Variants in ANKRD36C observed in about 807,000 individuals in gnomAD.
ANKRD36C encodes ankyrin repeat domain-containing protein 36C.
ANKRD36C carries 61 observed loss-of-function variants against 276.4 expected under a neutral mutation model. That is an observed-to-expected ratio of 0.22 (90% CI 0.18 to 0.27). ANKRD36C has a LOEUF of 0.27. Among genes scored for constraint, ANKRD36C ranks in the 10% least tolerant of loss-of-function variants. The pLI is 1.00. For missense variants in ANKRD36C, 1,447 were observed against 2,032.3 expected (o/e 0.71, Z 5.54); for synonymous variants, 483 against 680.1 (o/e 0.71, Z 4.51).
intron 40 of ANKRD36C, among the ~76,000 whole-genome samples, chr2:95,913,475 T>C (rs1434169522): frequency 6.6e-6 from 1 of 151,424 alleles, no homozygotes; most frequent in Non-Finnish European, 1.5e-5. Flanking sequence ...TGAGTCACTG[T>C]GGTGTATTCC....
intron 44 of ANKRD36C, among the ~76,000 whole-genome samples, chr2:95,892,127 C>T (rs953031620): frequency 1.1e-4 from 16 of 151,604 alleles, no homozygotes; most frequent in Admixed American, 3.3e-4. Flanking sequence ...TCAATATCAA[C>T]GTGGATATGT....
intron 59 of ANKRD36C, among the ~76,000 whole-genome samples, chr2:95,869,934 C>G (rs1474538914): frequency 6.6e-6 from 1 of 152,254 alleles, no homozygotes; most frequent in Non-Finnish European, 1.5e-5. Flanking sequence ...TGAGATCAAA[C>G]TGCAAGGTGG....
At chr2:95,991,785 A>G in exon 1 of ANKRD36C, 1 of 1,405,946 alleles carries the variant, frequency 7.1e-7, no homozygotes, top group Non-Finnish European at 9.8e-7. Context: ...AAGAGCAACA[A>G]CAGGCAAAGC....
intron 6 of ANKRD36C, among the ~76,000 whole-genome samples, chr2:95,971,423 G>C (rs888163675): frequency 2.7e-5 from 4 of 147,910 alleles, no homozygotes; most frequent in African/African-American, 1.0e-4. Context: ...TGTGAGGGGG[G>C]ATGGCGTATA....
Position 95,855,917 on chromosome 2 carries a change from A to G in ANKRD36C, c.4344T>C (p.Ser1448=), listed in dbSNP as rs199945797. 99 of 1,613,518 alleles carry G rather than the reference A, an allele frequency of 6.1e-5. 2 individuals carry two copies. The highest frequency in any genetic ancestry group is 2.0e-4 in the South Asian group (18 of 91,066). The change falls in exon 63 of 67, where the codon TCT becomes TCC. Residue 1448 remains serine (S), a synonymous_variant. Coordinates refer to ENST00000456556, the Ensembl canonical transcript of ANKRD36C. ...CGCTCTCTCTTTGCTTCTCCAGTTT[A>G]GAACGGAGCGTTGTGTTTTCATCCG...
At chr2:95,981,338 T>C (rs1573818316) in intron 4 of ANKRD36C, among the ~76,000 whole-genome samples, 1 of 144,492 alleles carries the variant, frequency 6.9e-6, no homozygotes, top group African/African-American at 2.5e-5. Flanking sequence ...TAACACCACA[T>C]ATATATAAAA....
At chr2:95,911,564 T>C (rs1017559414) in intron 42 of ANKRD36C, among the ~76,000 whole-genome samples, 1 of 151,478 alleles carries the variant, frequency 6.6e-6, no homozygotes, top group Admixed American at 6.6e-5. Flanking sequence ...AAAACATGTA[T>C]CTCTGATGCC....
intron 60 of ANKRD36C, among the ~76,000 whole-genome samples, chr2:95,863,130 A>C (rs1396586147): frequency 6.6e-6 from 1 of 152,150 alleles, no homozygotes; most frequent in Non-Finnish European, 1.5e-5. Context: ...GAAACAATAC[A>C]AATTACTAGT....
intron 64 of ANKRD36C, chr2:95,852,695 T>G (rs1268949187): frequency 6.6e-6 from 1 of 152,528 alleles, no homozygotes; most frequent in South Asian, 2.1e-4. Context: ...TTATTTTTTG[T>G]ATGTATGCAT....
rs917733751 is a variant in ANKRD36C, at chr2:95,944,069, G to A, written c.1491+558C>T. Among the ~76,000 whole-genome samples, 11 of 152,052 alleles carry A rather than the reference G, an allele frequency of 7.2e-5. 1 individual carries two copies. The highest frequency in any genetic ancestry group is 2.0e-4 in the Admixed American group (3 of 15,268). On this transcript the variant is annotated intron_variant, in intron 19 of 66. Coordinates refer to ENST00000456556, the Ensembl canonical transcript of ANKRD36C. Reference sequence around the variant, plus strand: ...TTCCAATACTTTATTAAAATCACCCGTAAGTCACTCAGAAGAATCTGAGAA... The same window carrying A: ...TTCCAATACTTTATTAAAATCACCCATAAGTCACTCAGAAGAATCTGAGAA...
chr2:95,966,964 C>T (rs1198598983), intron 6 of ANKRD36C, among the ~76,000 whole-genome samples: 6 of 151,736 alleles, frequency 4.0e-5, no homozygotes, highest in Non-Finnish European at 8.8e-5. Context: ...TGCTCTATTA[C>T]TGGTGTATAG....
intron 1 of ANKRD36C, among the ~76,000 whole-genome samples, chr2:95,988,641 C>T (rs1004388685): frequency 1.3e-5 from 2 of 152,100 alleles, no homozygotes; most frequent in African/African-American, 4.8e-5. Flanking sequence ...TAAATTAAAG[C>T]AGTGCTTTTG....
Position 95,919,555 on chromosome 2 carries a change from G to A in ANKRD36C, c.2246-1513C>T, listed in dbSNP as rs188011592. ...ATCTTACTGCAAAGATCATGTTCCA[G>A]GCCAACAGCATTAGCGTCTCCCAAG... On this transcript the variant is annotated intron_variant, in intron 34 of 66. Coordinates refer to ENST00000456556, the Ensembl canonical transcript of ANKRD36C. 3.8e-3 allele frequency among the ~76,000 whole-genome samples: 497 copies of A among 129,284 alleles called. 79 individuals carry two copies. Among genetic ancestry groups the A allele is most frequent in the Admixed American group, 6.2e-3 (77 of 12,402 alleles). 84.8% of individuals were successfully genotyped at this position (129,284 alleles called of 152,430 possible). A position where few individuals can be genotyped will look rare whatever the true frequency, so the allele number is the denominator to read the frequency against.
intron 60 of ANKRD36C, 100 bp downstream of exon 80, chr2:95,867,340 T>C: frequency 1.7e-6 from 1 of 600,666 alleles, no homozygotes. Context: ...AGATGAACAT[T>C]CTTGTAACAT....
intron 42 of ANKRD36C, among the ~76,000 whole-genome samples, 178 bp downstream of exon 44, chr2:95,912,066 T>C (rs550885610): frequency 7.0e-4 from 106 of 151,496 alleles, no homozygotes; most frequent in Non-Finnish European, 1.2e-3. Flanking sequence ...AATCTTACAG[T>C]GAAGATCATG....
chr2:95,898,054 G>C (rs1294734324), intron 44 of ANKRD36C, among the ~76,000 whole-genome samples: 2 of 148,804 alleles, frequency 1.3e-5, no homozygotes, highest in African/African-American at 4.9e-5. Flanking sequence ...CAACCATATG[G>C]TGTAATAATC....
In ANKRD36C at chr2:95,919,840, A is replaced by C. The variant is rs534557406; in HGVS notation, c.2245+1767T>G. The C allele has an allele frequency of 1.1e-4, 171 of 1,521,650 alleles. 13 individuals are homozygous for C. The South Asian group carries it at 1.9e-3, about 17-fold the overall frequency. 94.3% of individuals were successfully genotyped at this position (1,521,650 alleles called of 1,614,324 possible). On this transcript the variant is annotated intron_variant, in intron 34 of 66. Transcript: ENST00000456556. Reference sequence around the variant, plus strand: ...ATTTGAAAGAAAATAATAAATAAATAAATCAATGAAGTATGTGTCATAGAC... The same window carrying C: ...ATTTGAAAGAAAATAATAAATAAATCAATCAATGAAGTATGTGTCATAGAC...
intron 3 of ANKRD36C, among the ~76,000 whole-genome samples, chr2:95,985,770 A>G (rs1404919064): frequency 1.3e-5 from 2 of 152,198 alleles, no homozygotes; most frequent in Non-Finnish European, 2.9e-5. Flanking sequence ...CAAAAGATAG[A>G]GCCATTCACT....
At chr2:95,955,452 C>G (rs1466474997) in intron 13 of ANKRD36C, among the ~76,000 whole-genome samples, 8 of 152,128 alleles carry the variant, frequency 5.3e-5, no homozygotes, top group Non-Finnish European at 8.8e-5. Flanking sequence ...TTTCCCTTAT[C>G]TTTATCAAAC....
Sources: gnomAD v4.1 joint callset for allele counts (sites outside exome capture counted in the v4.1 genomes callset) on GRCh38, gnomAD v4.1.1 for gene constraint, MANE v1.5 for transcripts, NCBI Gene and HGNC (gene_info 2026-07-23, HGNC 2026-07-21) for gene names.